The following CSNK1A1 variants were observed in gnomAD, a reference collection of about 807,000 sequenced individuals.
The protein encoded by CSNK1A1 is casein kinase I isoform alpha.
CSNK1A1 carries 7 observed loss-of-function variants against 46.1 expected under a neutral mutation model. The ratio of observed to expected loss-of-function variants is 0.15; its 90% CI spans 0.09 to 0.29. CSNK1A1 has a LOEUF of 0.29. Among genes scored for constraint, CSNK1A1 ranks in the 10% least tolerant of loss-of-function variants. CSNK1A1 has a pLI of 1.00. For synonymous variants in CSNK1A1, 137 were observed against 141.5 expected, an observed-to-expected ratio of 0.97 and a Z score of 0.23; for missense variants, 96 against 417.1, an observed-to-expected ratio of 0.23 and a Z score of 6.71.
chr5:149,538,526 T>C (rs1762134243), intron 2 of CSNK1A1, among the ~76,000 whole-genome samples: 1 of 152,092 alleles, frequency 6.6e-6, no homozygotes, highest in Admixed American at 6.5e-5. Flanking sequence ...AAAAATAATA[T>C]TATGGAGGTT....
In CSNK1A1 at chr5:149,495,307, A is replaced by C. The variant is rs551120431; in HGVS notation, c.*1546T>G. The C allele has an allele frequency of 6.6e-6, 1 of 152,258 alleles. No homozygotes were observed. The allele number at this position is 152,258 out of a possible 1,614,324, so 9.4% of individuals were successfully genotyped here. A position where few individuals can be genotyped will look rare whatever the true frequency, so the allele number is the denominator to read the frequency against. ...CAATTTCAAGGTTATTTTACAAAAT[A>C]CCTACATTTACACAATAGGCTCCCG... On this transcript the variant is annotated 3_prime_UTR_variant, in exon 10 of 10. Transcript: ENST00000377843.
At chr5:149,536,205 G>A (rs796298489) in intron 2 of CSNK1A1, among the ~76,000 whole-genome samples, 19 of 152,132 alleles carry the variant, frequency 1.2e-4, no homozygotes, top group African/African-American at 3.1e-4. Flanking sequence ...CGCCCACCTC[G>A]GCCTCCCAAA....
At chr5:149,497,118 A>G in intron 9 of CSNK1A1, 1 of 1,213,996 alleles carries the variant, frequency 8.2e-7, no homozygotes, top group Non-Finnish European at 1.0e-6. Context: ...TACTAAAATA[A>G]TTATTAGTAA....
intron 7 of CSNK1A1, among the ~76,000 whole-genome samples, chr5:149,508,097 G>C (rs1761093154): frequency 6.6e-6 from 1 of 152,170 alleles, no homozygotes; most frequent in Non-Finnish European, 1.5e-5. Context: ...TAAAGTTAAA[G>C]GAGGCAGTCT....
Position 149,525,731 on chromosome 5 carries a change from G to C in CSNK1A1, c.231-560C>G, listed in dbSNP as rs983450869. ...AATGACATTTATTTGCTTTTAACTG[G>C]AATCATGTTTTAATTATCCTGGGCT... is the stretch of plus-strand genomic sequence containing the variant. On this transcript the variant is annotated intron_variant, in intron 2 of 9. Coordinates refer to ENST00000377843, the MANE Select transcript of CSNK1A1 (RefSeq NM_001892.6). The surrounding 1 kb of genome is among the most constrained non-coding windows in gnomAD (Gnocchi z 4.2). Among the ~76,000 whole-genome samples, 9 of 152,112 alleles carry C rather than the reference G, an allele frequency of 5.9e-5. No homozygotes were observed. Among genetic ancestry groups the C allele is most frequent in the African/African-American group, 2.2e-4 (9 of 41,412 alleles).
At chr5:149,497,831 T>C (rs1448181395) in intron 9 of CSNK1A1, 1 of 985,424 alleles carries the variant, frequency 1.0e-6, no homozygotes, top group African/African-American at 1.7e-5. Context: ...CCTTTTCTTT[T>C]AGTTCTTTTT....
chr5:149,500,055 G>A (rs534068889), intron 9 of CSNK1A1, among the ~76,000 whole-genome samples: 2 of 130,094 alleles, frequency 1.5e-5, no homozygotes, highest in East Asian at 4.7e-4. Context: ...TACAAGCTCC[G>A]TCTCCTGGGT....
intron 2 of CSNK1A1, among the ~76,000 whole-genome samples, chr5:149,530,965 C>CA (rs59281087): frequency 1.2e-5 from 1 of 81,736 alleles, no homozygotes; most frequent in South Asian, 5.2e-4. Flanking sequence ...GACTCTGTCT[C>CA]AAAAAAAAAA....
chr5:149,501,760 G>A, intron 9 of CSNK1A1: 4 of 984,984 alleles, frequency 4.1e-6, no homozygotes, highest in Non-Finnish European at 3.6e-6. Context: ...AAGAAACACT[G>A]AACTTCATTA....
At position 149,542,657 on chromosome 5, in the gene CSNK1A1, TA is replaced by T. The variant is rs1561772716; in HGVS notation, c.230+7417del. 4.4e-3 allele frequency among the ~76,000 whole-genome samples: 49 copies of T among 11,078 alleles called. 3 individuals carry two copies. The highest frequency in any genetic ancestry group is 6.8e-3 in the Non-Finnish European group (45 of 6,638). The allele number at this position is 11,078 out of a possible 152,430, so 7.3% of individuals were successfully genotyped here. A position where few individuals can be genotyped will look rare whatever the true frequency, so the allele number is the denominator to read the frequency against. ...ATATATATGTATATATATATATATA[TA>T]TATATATATATATGTATATATATAT... On this transcript the variant is annotated intron_variant, in intron 2 of 9. Transcript: ENST00000377843.
At chr5:149,505,180 A>T (rs573748613) in intron 9 of CSNK1A1, 486 of 1,098,822 alleles carry the variant, frequency 4.4e-4, no homozygotes, top group South Asian at 1.7e-3. Context: ...TGCAGTTGTT[A>T]AAAAAATGAC....
chr5:149,500,689 A>G (rs1326791885), intron 9 of CSNK1A1, among the ~76,000 whole-genome samples: 2 of 152,036 alleles, frequency 1.3e-5, no homozygotes, highest in African/African-American at 2.4e-5. Context: ...TAGCCTCAAA[A>G]ATGCTGGGAT....
intron 3 of CSNK1A1, 122 bp from the exon 4 acceptor site, chr5:149,520,510 A>C: frequency 1.9e-5 from 11 of 592,468 alleles, no homozygotes; most frequent in South Asian, 2.2e-5. Flanking sequence ...AGAAAATGAA[A>C]TGGAAAGGAC....
At chr5:149,520,185 C>A (rs1761526185) in intron 4 of CSNK1A1, 105 bp downstream of exon 4, 3 of 672,686 alleles carry the variant, frequency 4.5e-6, no homozygotes. Flanking sequence ...CTGTCAACAG[C>A]AAATTCAACT....
intron 2 of CSNK1A1, among the ~76,000 whole-genome samples, chr5:149,547,508 T>C (rs1378236270): frequency 6.6e-6 from 1 of 152,210 alleles, no homozygotes; most frequent in African/African-American, 2.4e-5. Context: ...GTGAAATTTA[T>C]AAAATCTCCC....
chr5:149,501,700 G>A, intron 9 of CSNK1A1: 1 of 985,280 alleles, frequency 1.0e-6, no homozygotes. Context: ...ATCCACCTTT[G>A]GGTTCACTAC....
In CSNK1A1 at chr5:149,516,951, C is replaced by T. The variant is rs142420316; in HGVS notation, c.456+3339G>A. On this transcript the variant is annotated intron_variant, in intron 4 of 9. Transcript: ENST00000377843. ...TATTCATGCCAATACTTCCTCTTCA[C>T]TGTATACTAAACTGAATGATTAAGA... Among the ~76,000 whole-genome samples, 664 of 152,226 alleles carry T rather than the reference C, an allele frequency of 4.4e-3. 5 individuals carry two copies. The highest frequency in any genetic ancestry group is 0.015 in the African/African-American group (625 of 41,536).
rs1328763055 is a variant in CSNK1A1, at chr5:149,494,254, T to C, written c.*2599A>G. On this transcript the variant is annotated 3_prime_UTR_variant, in exon 10 of 10. Coordinates refer to ENST00000377843, the MANE Select transcript of CSNK1A1 (RefSeq NM_001892.6). ...AAAAATATTTGTTGATGGGAAATCA[T>C]TGTGAAAGCAAACCTCCAAATATTC... 1.3e-5 allele frequency: 2 copies of C among 152,200 alleles called. No homozygotes were observed. Among genetic ancestry groups the C allele is most frequent in the Non-Finnish European group, 2.9e-5 (2 of 68,036 alleles). 9.4% of individuals were successfully genotyped at this position (152,200 alleles called of 1,614,324 possible). A position where few individuals can be genotyped will look rare whatever the true frequency, so the allele number is the denominator to read the frequency against.
chr5:149,519,226 C>A (rs1233588778), intron 4 of CSNK1A1, among the ~76,000 whole-genome samples: 1 of 152,116 alleles, frequency 6.6e-6, no homozygotes, highest in Admixed American at 6.6e-5. Context: ...AACACCAATT[C>A]TAATGGTAAT....
Sources: allele counts gnomAD v4.1 joint callset (sites outside exome capture counted in the v4.1 genomes callset), GRCh38; gene constraint gnomAD v4.1.1; non-coding constraint Gnocchi (gnomAD v3.1); transcripts MANE v1.5; gene names NCBI Gene and HGNC (gene_info 2026-07-23, HGNC 2026-07-21).